The following OTUD7A variants were observed in gnomAD, a reference collection of about 807,000 sequenced individuals.
OTUD7A encodes OTU deubiquitinase 7A.
A neutral mutation model predicts 65.7 loss-of-function variants in OTUD7A; 12 were observed. The ratio of observed to expected loss-of-function variants is 0.18; its 90% CI spans 0.12 to 0.30. The LOEUF (loss-of-function observed/expected upper bound fraction) is 0.30, where lower values mean the gene tolerates loss of function less well. Among genes scored for constraint, OTUD7A ranks in the 10% least tolerant of loss-of-function variants. The pLI, the probability that OTUD7A is intolerant of heterozygous loss-of-function variation, is 1.00. For synonymous variants in OTUD7A, 641 were observed against 586.3 expected, an observed-to-expected ratio of 1.09 and a Z score of -1.35; for missense variants, 1,148 against 1,304.8, an observed-to-expected ratio of 0.88 and a Z score of 1.85.
Position 31,805,700 on chromosome 15 carries a change from G to A in OTUD7A, c.-100+64807C>T, listed in dbSNP as rs78636551. On this transcript the variant is annotated intron_variant, in intron 1 of 12. Coordinates refer to ENST00000307050, the MANE Select transcript of OTUD7A (RefSeq NM_001382637.1). ...GAGAGTTACAGGGCAGGAGGAGAAG[G>A]TGTGCTTCTCTGCACAGGGAGCTGC... 2.4e-3 allele frequency among the ~76,000 whole-genome samples: 364 copies of A among 152,266 alleles called. 3 individuals carry two copies. The highest frequency in any genetic ancestry group is 0.02 in the East Asian group (101 of 5,176).
intron 1 of OTUD7A, among the ~76,000 whole-genome samples, chr15:31,788,185 T>C (rs1595768880): frequency 6.6e-6 from 1 of 152,362 alleles, no homozygotes; most frequent in East Asian, 1.9e-4. Context: ...CCCTTCTGTT[T>C]ATGAATGCCT....
chr15:31,744,585 C>A (rs1894427531), intron 1 of OTUD7A, among the ~76,000 whole-genome samples: 1 of 152,040 alleles, frequency 6.6e-6, no homozygotes, highest in South Asian at 2.1e-4. Flanking sequence ...TTTAAAAATT[C>A]TATCCTTGAA....
intron 8 of OTUD7A, among the ~76,000 whole-genome samples, chr15:31,507,488 A>C (rs1335997229): frequency 6.6e-6 from 1 of 152,144 alleles, no homozygotes; most frequent in African/African-American, 2.4e-5. Flanking sequence ...GGTCTCACTG[A>C]CTTCAAGAAT....
At chr15:31,815,669 G>A (rs1896529724) in intron 1 of OTUD7A, among the ~76,000 whole-genome samples, 1 of 152,240 alleles carries the variant, frequency 6.6e-6, no homozygotes. Context: ...AGGCTATGAA[G>A]TGGTGGCGGC....
At chr15:31,625,681 C>T (rs533575428) in intron 3 of OTUD7A, among the ~76,000 whole-genome samples, 1 of 152,108 alleles carries the variant, frequency 6.6e-6, no homozygotes, top group African/African-American at 2.4e-5. Context: ...AAAGCAAAGC[C>T]ACATCTCCAT....
intron 1 of OTUD7A, among the ~76,000 whole-genome samples, chr15:31,713,334 G>C (rs1266785334): frequency 6.6e-6 from 1 of 152,160 alleles, no homozygotes; most frequent in East Asian, 1.9e-4. Context: ...AAATGGTAAA[G>C]TACGCTGGGC....
intron 1 of OTUD7A, among the ~76,000 whole-genome samples, chr15:31,779,313 T>C (rs1019231016): frequency 6.6e-6 from 1 of 152,218 alleles, no homozygotes; most frequent in Non-Finnish European, 1.5e-5. Flanking sequence ...CTGGCACTAA[T>C]GCAATCTGAA....
At chr15:31,497,311 G>A (rs1010986647) in intron 10 of OTUD7A, among the ~76,000 whole-genome samples, 4 of 151,766 alleles carry the variant, frequency 2.6e-5, no homozygotes, top group South Asian at 2.1e-4. Flanking sequence ...GTGCAGTGAC[G>A]CAAGCTTGGC....
intron 1 of OTUD7A, among the ~76,000 whole-genome samples, chr15:31,772,145 G>A (rs1395720734): frequency 6.9e-6 from 1 of 145,402 alleles, no homozygotes; most frequent in Non-Finnish European, 1.5e-5. Context: ...CCAGCTACTT[G>A]GGAGGCTGAG....
At chr15:31,772,067 A>G (rs1895250344) in intron 1 of OTUD7A, among the ~76,000 whole-genome samples, 1 of 151,712 alleles carries the variant, frequency 6.6e-6, no homozygotes, top group African/African-American at 2.4e-5. Context: ...CCCGGCTAAA[A>G]CGGTGAAACC....
chr15:31,846,738 AATG>A (rs1488971187), intron 1 of OTUD7A, among the ~76,000 whole-genome samples: 3 of 152,234 alleles, frequency 2.0e-5, no homozygotes, highest in African/African-American at 7.2e-5. Context: ...AGGCTCAAGA[AATG>A]ATGTCCGTGA....
chr15:31,755,871 G>C (rs1894798528), intron 1 of OTUD7A, among the ~76,000 whole-genome samples: 1 of 146,082 alleles, frequency 6.8e-6, no homozygotes, highest in Non-Finnish European at 1.5e-5. Context: ...TCTGTTAACA[G>C]ACTGGCAGCC....
chr15:31,660,654 G>C (rs1422878409), intron 1 of OTUD7A, among the ~76,000 whole-genome samples: 1 of 152,194 alleles, frequency 6.6e-6, no homozygotes, highest in Non-Finnish European at 1.5e-5. Flanking sequence ...AATGTAAAAA[G>C]CCCTGGGTGA....
At chr15:31,713,553 A>C (rs971590241) in intron 1 of OTUD7A, among the ~76,000 whole-genome samples, 2 of 152,086 alleles carry the variant, frequency 1.3e-5, no homozygotes, top group Non-Finnish European at 2.9e-5. Context: ...CAGGAGGCAG[A>C]GGTTGCAATG....
chr15:31,838,961 A>G (rs1391289712), intron 1 of OTUD7A, among the ~76,000 whole-genome samples: 2 of 152,152 alleles, frequency 1.3e-5, no homozygotes, highest in East Asian at 1.9e-4. Flanking sequence ...CACAAATACC[A>G]TAACAGATCC....
In OTUD7A at chr15:31,568,064, C is replaced by G. The variant is rs117856173; in HGVS notation, c.331+1954G>C. The stretch of plus-strand genomic sequence containing the variant: ...GAAATGTGAGGTTGGAGGCCCCACA[C>G]AGAGTCCTCATGGGGGCACTGCCTA... On this transcript the variant is annotated intron_variant, in intron 4 of 12. Coordinates refer to ENST00000307050, the MANE Select transcript of OTUD7A (RefSeq NM_001382637.1). Among the ~76,000 whole-genome samples, 269 of 152,372 alleles carry G rather than the reference C, an allele frequency of 1.8e-3. 5 individuals are homozygous for G. The East Asian group carries it at 0.038, about 22-fold the overall frequency.
chr15:31,766,422 T>G, intron 1 of OTUD7A: 1 of 1,580,600 alleles, frequency 6.3e-7, no homozygotes. Context: ...CAGCAAACTT[T>G]GTGTGCCAGT....
intron 1 of OTUD7A, among the ~76,000 whole-genome samples, chr15:31,759,158 C>T (rs560897324): frequency 2.0e-5 from 3 of 152,268 alleles, no homozygotes; most frequent in African/African-American, 4.8e-5. Flanking sequence ...TTCCAGGCCT[C>T]GAGGTCTCCA....
chr15:31,657,545 T>C (rs1259821728), intron 1 of OTUD7A, among the ~76,000 whole-genome samples: 4 of 151,046 alleles, frequency 2.6e-5, no homozygotes, highest in Non-Finnish European at 5.9e-5. Flanking sequence ...GTATTTTTAG[T>C]AGAGACAGGG....
Sources: allele counts gnomAD v4.1 joint callset (sites outside exome capture counted in the v4.1 genomes callset), GRCh38; gene constraint gnomAD v4.1.1; transcripts MANE v1.5; gene names NCBI Gene and HGNC (gene_info 2026-07-23, HGNC 2026-07-21).